Variants in CDYL2 observed in about 807,000 individuals in gnomAD.
The protein encoded by CDYL2 is chromodomain Y-like protein 2.
A neutral mutation model predicts 49.4 loss-of-function variants in CDYL2; 23 were observed. That is an observed-to-expected ratio of 0.47 (90% CI 0.34 to 0.66). The LOEUF (loss-of-function observed/expected upper bound fraction) is 0.66, where lower values mean the gene tolerates loss of function less well. Among genes scored for constraint, CDYL2 ranks in the 30% least tolerant of loss-of-function variants. The pLI, the probability that CDYL2 is intolerant of heterozygous loss-of-function variation, is 0.01. For synonymous variants in CDYL2, 360 were observed against 268.8 expected, an observed-to-expected ratio of 1.34 and a Z score of -3.32; for missense variants, 678 against 656.4, an observed-to-expected ratio of 1.03 and a Z score of -0.36.
At chr16:80,802,025 T>C (rs1907941178) in intron 1 of CDYL2, among the ~76,000 whole-genome samples, 1 of 144,192 alleles carries the variant, frequency 6.9e-6, no homozygotes, top group African/African-American at 2.8e-5. Flanking sequence ...GAAGTAATTA[T>C]TATTATTGTC....
intron 2 of CDYL2, among the ~76,000 whole-genome samples, chr16:80,650,413 A>G (rs909342768): frequency 6.6e-6 from 1 of 152,220 alleles, no homozygotes; most frequent in Non-Finnish European, 1.5e-5. Context: ...CTACAATGAG[A>G]TATCATCTCA....
At position 80,632,676 on chromosome 16, in the gene CDYL2, T is replaced by C. The variant is rs556928804; in HGVS notation, c.834+343A>G. The C allele has an allele frequency of 1.1e-3, 322 of 284,768 alleles. 1 individual carries two copies. The highest frequency in any genetic ancestry group is 5.7e-3 in the African/African-American group (271 of 47,276). The allele number at this position is 284,768 out of a possible 1,614,324, so 17.6% of individuals were successfully genotyped here. Reference sequence around the variant, plus strand: ...GAATTATATCTGCGGCCAACAAATATGACATGCTGATGACAACAAAGTTTA... The same window carrying C: ...GAATTATATCTGCGGCCAACAAATACGACATGCTGATGACAACAAAGTTTA... On this transcript the variant is annotated intron_variant, in intron 3 of 6. Transcript: ENST00000570137.
intron 1 of CDYL2, among the ~76,000 whole-genome samples, chr16:80,733,521 T>C (rs925736397): frequency 1.1e-4 from 17 of 152,110 alleles, no homozygotes; most frequent in African/African-American, 4.1e-4. Context: ...TTATACGCAG[T>C]AGGAAGCTGC....
chr16:80,610,714 G>A (rs889121948), intron 5 of CDYL2, among the ~76,000 whole-genome samples: 4 of 152,198 alleles, frequency 2.6e-5, no homozygotes, highest in African/African-American at 9.6e-5. Context: ...GAGGCATGAT[G>A]ACAGCACCAA....
At chr16:80,697,598 G>T (rs1904281461) in intron 1 of CDYL2, among the ~76,000 whole-genome samples, 1 of 151,998 alleles carries the variant, frequency 6.6e-6, no homozygotes, top group Admixed American at 6.6e-5. Context: ...AAAGAAATAA[G>T]GGGCATGCAA....
intron 1 of CDYL2, among the ~76,000 whole-genome samples, chr16:80,792,897 C>A (rs776100099): frequency 6.6e-6 from 1 of 152,136 alleles, no homozygotes; most frequent in South Asian, 2.1e-4. Flanking sequence ...GACTGGCCGA[C>A]GCTGGGATAT....
intron 1 of CDYL2, among the ~76,000 whole-genome samples, chr16:80,687,359 T>C (rs1417625266): frequency 6.6e-6 from 1 of 151,770 alleles, no homozygotes. Flanking sequence ...GCCAACACAA[T>C]GGATGAGTGC....
At chr16:80,804,638 G>A (rs1908045127), upstream of CDYL2, among the ~76,000 whole-genome samples, 1 of 144,676 alleles carries the variant, frequency 6.9e-6, no homozygotes, top group Non-Finnish European at 1.5e-5. Context: ...CCCGGCCCCC[G>A]GGGCGGGGAG....
At chr16:80,681,285 A>C (rs2142469158) in intron 2 of CDYL2, among the ~76,000 whole-genome samples, 1 of 151,978 alleles carries the variant, frequency 6.6e-6, no homozygotes, top group Non-Finnish European at 1.5e-5. Context: ...TGTGCTGCAA[A>C]CCCCCAGTGC....
intron 1 of CDYL2, among the ~76,000 whole-genome samples, chr16:80,724,660 A>T (rs1905108207): frequency 6.6e-6 from 1 of 152,240 alleles, no homozygotes; most frequent in Non-Finnish European, 1.5e-5. Context: ...ATATACACAC[A>T]TGCATTTGTG....
chr16:80,729,295 G>A (rs1372624551), intron 1 of CDYL2, among the ~76,000 whole-genome samples: 5 of 151,672 alleles, frequency 3.3e-5, no homozygotes, highest in Admixed American at 2.0e-4. Context: ...GGCAGGGGTT[G>A]CAATCCTAGT....
chr16:80,804,675 C>T (rs1908047115), upstream of CDYL2, among the ~76,000 whole-genome samples: 1 of 146,594 alleles, frequency 6.8e-6, no homozygotes, highest in Non-Finnish European at 1.5e-5. Flanking sequence ...GGCCGCGCCC[C>T]GGGGGACCGG....
chr16:80,656,452 T>C (rs868151055), intron 2 of CDYL2, among the ~76,000 whole-genome samples: 3 of 152,334 alleles, frequency 2.0e-5, no homozygotes, highest in African/African-American at 7.2e-5. Context: ...CTGGACAACT[T>C]GCTCGCCTGT....
intron 2 of CDYL2, among the ~76,000 whole-genome samples, chr16:80,646,414 G>A (rs927688221): frequency 9.2e-5 from 14 of 152,174 alleles, no homozygotes; most frequent in African/African-American, 2.4e-5. Context: ...AAAATGGCAG[G>A]AGAAAGTCTT....
chr16:80,713,555 G>T (rs553190097), intron 1 of CDYL2, among the ~76,000 whole-genome samples: 1 of 152,040 alleles, frequency 6.6e-6, no homozygotes, highest in African/African-American at 2.4e-5. Flanking sequence ...GGGGATGACC[G>T]GCCTCAACAC....
chr16:80,620,021 T>C (rs1907007214), intron 4 of CDYL2, among the ~76,000 whole-genome samples: 1 of 152,184 alleles, frequency 6.6e-6, no homozygotes, highest in Admixed American at 6.5e-5. Flanking sequence ...ACCAGGGGCA[T>C]TCCTGAATTG....
At chr16:80,754,953 G>A (rs1265862531) in intron 1 of CDYL2, among the ~76,000 whole-genome samples, 2 of 151,818 alleles carry the variant, frequency 1.3e-5, no homozygotes, top group Non-Finnish European at 2.9e-5. Context: ...ATATCATTAG[G>A]ATTTCACTTC....
chr16:80,633,127 C>T lies in CDYL2; in HGVS notation c.726G>A (p.Gln242=). The T allele has an allele frequency of 6.2e-7, 1 of 1,614,236 alleles. No individual in the cohort carries two copies. The highest frequency in any genetic ancestry group is 8.5e-7 in the Non-Finnish European group (1 of 1,180,044). The change falls in exon 3 of 7, where the codon CAG becomes CAA. Residue 242 remains glutamine, a synonymous_variant. Coordinates refer to ENST00000570137, the MANE Select transcript of CDYL2 (RefSeq NM_152342.4). ...FDKRLRYSVR[Q]NESNCRFRDI... is the part of the protein sequence containing the mutation. ...CTCGAAACCGACAGTTGCTTTCATTCTGGCGGACACTGTATCTGAGCCTTT... is the reference window on the plus strand; with the variant it reads ...CTCGAAACCGACAGTTGCTTTCATTTTGGCGGACACTGTATCTGAGCCTTT...
chr16:80,760,524 G>A (rs566495005), intron 1 of CDYL2, among the ~76,000 whole-genome samples: 1 of 151,994 alleles, frequency 6.6e-6, no homozygotes, highest in African/African-American at 2.4e-5. Context: ...ATGCTTGAGG[G>A]AATGGATTCC....
Sources: allele counts gnomAD v4.1 joint callset (sites outside exome capture counted in the v4.1 genomes callset), GRCh38; gene constraint gnomAD v4.1.1; transcripts MANE v1.5; gene names NCBI Gene and HGNC (gene_info 2026-07-23, HGNC 2026-07-21).